Variants in RAB11FIP3 observed in about 807,000 individuals in gnomAD.
RAB11FIP3 encodes RAB11 family interacting protein 3.
A neutral mutation model predicts 77.8 loss-of-function variants in RAB11FIP3; 17 were observed. The observed-to-expected ratio is 0.22, with a 90% confidence interval of 0.15 to 0.33. The LOEUF (loss-of-function observed/expected upper bound fraction) is 0.33, where lower values mean the gene tolerates loss of function less well. Ranked by LOEUF, RAB11FIP3 falls within the 10% of genes least tolerant of loss-of-function variation. RAB11FIP3 has a pLI of 1.00. For missense variants in RAB11FIP3, 1,005 were observed against 1,011.2 expected, an observed-to-expected ratio of 0.99 and a Z score of 0.08; for synonymous variants, 437 against 448.2, an observed-to-expected ratio of 0.98 and a Z score of 0.31.
chr16:491,108 C>T (rs1448360842), intron 5 of RAB11FIP3: 2 of 1,288,426 alleles, frequency 1.6e-6, no homozygotes, highest in African/African-American at 1.5e-5. Flanking sequence ...TCATCCTCTC[C>T]TGAACGGATG....
intron 1 of RAB11FIP3, among the ~76,000 whole-genome samples, chr16:448,738 GA>G (rs34545276): frequency 0.47 from 41,628 of 88,218 alleles, 7,759 homozygotes; most frequent in Middle Eastern, 0.57. Context: ...TCCGTCTCAA[GA>G]AAAAAAAAAA....
chr16:440,132 C>G (rs144313833), intron 1 of RAB11FIP3, among the ~76,000 whole-genome samples: 7 of 152,022 alleles, frequency 4.6e-5, no homozygotes, highest in Non-Finnish European at 1.0e-4. Context: ...CGTGAGCCAC[C>G]GCGCCCGGCC....
chr16:435,424 A>G (rs2055112004), intron 1 of RAB11FIP3, among the ~76,000 whole-genome samples: 1 of 152,204 alleles, frequency 6.6e-6, no homozygotes, highest in South Asian at 2.1e-4. Context: ...ACTTAAGTCT[A>G]TTATGTAGCT....
At position 489,019 on chromosome 16, in the gene RAB11FIP3, A is replaced by G; in HGVS notation, c.1265+19A>G. ...CGCCCAGGTAATGACGCCTTGTTCC[A>G]GCACACCCTCCTCCCTCTTCTTCCC... On this transcript the variant is annotated intron_variant, in intron 5 of 13. Coordinates refer to ENST00000262305, the MANE Select transcript of RAB11FIP3 (RefSeq NM_014700.4). The G allele has an allele frequency of 3.1e-6, 5 of 1,608,784 alleles. No individual in the cohort carries two copies. The highest frequency in any genetic ancestry group is 4.3e-6 in the Non-Finnish European group (5 of 1,176,390).
At chr16:432,484 TTAAA>T (rs1478525600) in intron 1 of RAB11FIP3, among the ~76,000 whole-genome samples, 2 of 152,084 alleles carry the variant, frequency 1.3e-5, no homozygotes, top group African/African-American at 2.4e-5. Flanking sequence ...TAAGAGATAA[TTAAA>T]TATTTAATAT....
chr16:486,546 C>T (rs556289218), intron 4 of RAB11FIP3, among the ~76,000 whole-genome samples: 200 of 152,298 alleles, frequency 1.3e-3, no homozygotes, highest in Non-Finnish European at 2.1e-3. Flanking sequence ...TTGAACAGCT[C>T]ATTTGTGGCT....
intron 5 of RAB11FIP3, among the ~76,000 whole-genome samples, chr16:490,203 C>T (rs2030051691): frequency 1.3e-5 from 2 of 152,244 alleles, no homozygotes; most frequent in South Asian, 2.1e-4. Context: ...TGGTTTCCCA[C>T]AGCATGTGGG....
intron 13 of RAB11FIP3, 60 bp from the exon 14 acceptor site, chr16:520,666 T>TTTATGCGCTGTGGC (rs1187335669): frequency 5.6e-6 from 9 of 1,610,884 alleles, no homozygotes; most frequent in Non-Finnish European, 5.1e-6. Context: ...TGCGCTGTGG[T>TTTATGCGCTGTGGC]TTATGCGCTG....
chr16:448,709 C>G (rs949881334), intron 1 of RAB11FIP3, among the ~76,000 whole-genome samples: 7 of 144,638 alleles, frequency 4.8e-5, no homozygotes, highest in Admixed American at 4.3e-4. Flanking sequence ...GCACTCCAGC[C>G]TGGGCAGCAG....
intron 1 of RAB11FIP3, among the ~76,000 whole-genome samples, chr16:431,073 C>CAT (rs1005653884): frequency 3.3e-5 from 5 of 151,908 alleles, no homozygotes; most frequent in African/African-American, 1.2e-4. Flanking sequence ...TGAGAGTGAG[C>CAT]ATGTGTGTGT....
intron 3 of RAB11FIP3, among the ~76,000 whole-genome samples, chr16:474,479 G>A (rs1467504529): frequency 6.6e-6 from 1 of 152,080 alleles, no homozygotes; most frequent in Non-Finnish European, 1.5e-5. Flanking sequence ...CTGTGGCGCC[G>A]CTGAGTTCCT....
At chr16:499,480 C>T (rs1481123929) in intron 6 of RAB11FIP3, among the ~76,000 whole-genome samples, 4 of 152,076 alleles carry the variant, frequency 2.6e-5, no homozygotes, top group Non-Finnish European at 5.9e-5. Context: ...ATGTTTCCTT[C>T]ACGGGTACCC....
Position 521,110 on chromosome 16 carries a change from T to G in RAB11FIP3, c.*271T>G. 1.9e-6 allele frequency: 1 copy of G among 526,962 alleles called. No homozygotes were observed. The highest frequency in any genetic ancestry group is 3.4e-6 in the Non-Finnish European group (1 of 291,616). The allele number at this position is 526,962 out of a possible 1,614,324, so 32.6% of individuals were successfully genotyped here. A position where few individuals can be genotyped will look rare whatever the true frequency, so the allele number is the denominator to read the frequency against. On this transcript the variant is annotated 3_prime_UTR_variant, in exon 14 of 14. Coordinates refer to ENST00000262305, the MANE Select transcript of RAB11FIP3 (RefSeq NM_014700.4). ...CAGGGCCGTCCATCAGCGCTGACCT[T>G]CCGGGGGCCCAGAGCTTCCCAGCCC...
At chr16:431,229 T>C (rs2055030114) in intron 1 of RAB11FIP3, among the ~76,000 whole-genome samples, 1 of 152,158 alleles carries the variant, frequency 6.6e-6, no homozygotes, top group Non-Finnish European at 1.5e-5. Flanking sequence ...TGTATGTGTG[T>C]GAGCAGGTGA....
At chr16:509,095 G>A (rs2032013486) in intron 8 of RAB11FIP3, among the ~76,000 whole-genome samples, 1 of 152,020 alleles carries the variant, frequency 6.6e-6, no homozygotes, top group South Asian at 2.1e-4. Flanking sequence ...GTAGATTCAG[G>A]GTTTCACCAT....
intron 3 of RAB11FIP3, among the ~76,000 whole-genome samples, chr16:475,718 G>A (rs915933914): frequency 1.3e-5 from 2 of 152,118 alleles, no homozygotes; most frequent in Admixed American, 1.3e-4. Flanking sequence ...GGAAGTGGAC[G>A]TCCACAACCC....
chr16:447,755 C>T (rs892106300), intron 1 of RAB11FIP3, among the ~76,000 whole-genome samples: 2 of 152,104 alleles, frequency 1.3e-5, no homozygotes, highest in Non-Finnish European at 2.9e-5. Context: ...GAAAAGAAGA[C>T]TAAAACGTAT....
intron 1 of RAB11FIP3, among the ~76,000 whole-genome samples, chr16:431,704 A>G (rs2055039819): frequency 6.6e-6 from 1 of 151,750 alleles, no homozygotes. Context: ...ACATAGACAC[A>G]CAGGTGACTG....
In RAB11FIP3 at chr16:461,333, G is replaced by C; in HGVS notation, c.715-71G>C. 8.1e-7 allele frequency: 1 copy of C among 1,239,846 alleles called. No individual in the cohort carries two copies. The highest frequency in any genetic ancestry group is 1.2e-6 in the Non-Finnish European group (1 of 864,108). The allele number at this position is 1,239,846 out of a possible 1,614,324, so 76.8% of individuals were successfully genotyped here. On this transcript the variant is annotated intron_variant, in intron 1 of 13. Transcript: ENST00000262305. This position sits in a 1 kb window ranked among gnomAD's most constrained non-coding sequence, Gnocchi z 4.5. ...CAGGCCACACACCAGATCTCTCCCA[G>C]TCCGAGGTCCAGGGTTGGGGACCCC... is the stretch of plus-strand genomic sequence containing the variant.
Sources: gnomAD v4.1 joint callset for allele counts (sites outside exome capture counted in the v4.1 genomes callset) on GRCh38, gnomAD v4.1.1 for gene constraint, Gnocchi (gnomAD v3.1) non-coding constraint, MANE v1.5 for transcripts, NCBI Gene and HGNC (gene_info 2026-07-23, HGNC 2026-07-21) for gene names.